Variants in SLC9A9 observed in about 807,000 individuals in gnomAD.
SLC9A9 encodes the protein solute carrier family 9 member A9.
SLC9A9 carries 62 observed loss-of-function variants against 77.8 expected under a neutral mutation model. The observed-to-expected ratio is 0.80, with a 90% CI of 0.65 to 0.98. SLC9A9 has a LOEUF of 0.98. SLC9A9 is among the 50% of genes least tolerant of loss of function. The probability of loss-of-function intolerance (pLI) is 0.00; values close to 1 mark genes in which losing one functional copy is unlikely to be tolerated. For missense variants in SLC9A9, 775 were observed against 774.9 expected (o/e 1.00, Z 0.00); for synonymous variants, 320 against 283.5 (o/e 1.13, Z -1.29).
intron 14 of SLC9A9, among the ~76,000 whole-genome samples, chr3:143,332,323 GA>G (rs1230836768): frequency 1.3e-5 from 2 of 152,140 alleles, no homozygotes; most frequent in African/African-American, 2.4e-5. Context: ...CAACTTACTG[GA>G]ACTGGTACAA....
chr3:143,646,506 T>C (rs1312192580), intron 6 of SLC9A9, among the ~76,000 whole-genome samples: 4 of 149,772 alleles, frequency 2.7e-5, no homozygotes, highest in Non-Finnish European at 5.9e-5. Context: ...TAAAAATGTA[T>C]TGTGAATATC....
At chr3:143,798,099 T>C (rs1490877293) in intron 2 of SLC9A9, among the ~76,000 whole-genome samples, 1 of 152,198 alleles carries the variant, frequency 6.6e-6, no homozygotes. Flanking sequence ...AAGCGGACTC[T>C]CTTTACTCTC....
intron 8 of SLC9A9, among the ~76,000 whole-genome samples, chr3:143,573,412 C>G (rs1229739290): frequency 1.3e-5 from 2 of 151,990 alleles, no homozygotes; most frequent in African/African-American, 4.8e-5. Context: ...GGAAAAGCAC[C>G]CAATTGTTGC....
At chr3:143,683,806 A>G (rs1198468130) in intron 5 of SLC9A9, among the ~76,000 whole-genome samples, 1 of 152,112 alleles carries the variant, frequency 6.6e-6, no homozygotes, top group African/African-American at 2.4e-5. Flanking sequence ...TTACACTCCC[A>G]ACTTTAACCA....
intron 6 of SLC9A9, among the ~76,000 whole-genome samples, chr3:143,630,100 G>A (rs1215404943): frequency 2.6e-5 from 4 of 151,830 alleles, no homozygotes; most frequent in Non-Finnish European, 4.4e-5. Flanking sequence ...TTGGCCTGGG[G>A]GAAAAAGAGA....
intron 5 of SLC9A9, among the ~76,000 whole-genome samples, chr3:143,655,079 A>G (rs2038865264): frequency 6.6e-6 from 1 of 152,216 alleles, no homozygotes; most frequent in Non-Finnish European, 1.5e-5. Flanking sequence ...AGTGTGTCCT[A>G]CAAGAGGGAG....
At chr3:143,312,895 C>T (rs1005853004) in intron 14 of SLC9A9, among the ~76,000 whole-genome samples, 26 of 152,236 alleles carry the variant, frequency 1.7e-4, no homozygotes, top group African/African-American at 5.5e-4. Flanking sequence ...AATCTTCCAT[C>T]CCCAAGAACA....
At chr3:143,325,245 C>T (rs1358489771) in intron 14 of SLC9A9, among the ~76,000 whole-genome samples, 1 of 152,162 alleles carries the variant, frequency 6.6e-6, no homozygotes, top group African/African-American at 2.4e-5. Context: ...AAATACAGTT[C>T]ATACAAGGAC....
In SLC9A9 at chr3:143,806,106, A is replaced by G. The variant is rs1210957277; in HGVS notation, c.379-9203T>C. On this transcript the variant is annotated intron_variant, in intron 2 of 15. Coordinates refer to ENST00000316549, the MANE Select transcript of SLC9A9 (RefSeq NM_173653.4). ...CCACATCCCCTACCCCCCGTCCCCCACCCACACACACAGGCATTCATTATT... is the reference window on the plus strand; with the variant it reads ...CCACATCCCCTACCCCCCGTCCCCCGCCCACACACACAGGCATTCATTATT... Among the ~76,000 whole-genome samples, 5 of 22,814 alleles carry G rather than the reference A, an allele frequency of 2.2e-4. No homozygotes were observed. In the Admixed American group the frequency reaches 2.8e-3, roughly 13 times the overall value. The allele number at this position is 22,814 out of a possible 152,430, so 15.0% of individuals were successfully genotyped here.
intron 14 of SLC9A9, among the ~76,000 whole-genome samples, chr3:143,291,860 G>A (rs1189452260): frequency 1.3e-5 from 2 of 152,190 alleles, no homozygotes; most frequent in African/African-American, 4.8e-5. Context: ...GTTTTAAAAA[G>A]AGGAGCAAAG....
chr3:143,773,100 A>C (rs1212610733), intron 4 of SLC9A9, among the ~76,000 whole-genome samples: 1 of 152,224 alleles, frequency 6.6e-6, no homozygotes, highest in East Asian at 1.9e-4. Flanking sequence ...GTCCCATTAG[A>C]TCAATAATTG....
chr3:143,810,704 T>C (rs2008842440), intron 2 of SLC9A9, among the ~76,000 whole-genome samples: 1 of 152,248 alleles, frequency 6.6e-6, no homozygotes, highest in African/African-American at 2.4e-5. Context: ...AGGCTCTTGC[T>C]GTTTTGCAAT....
chr3:143,502,649 A>G (rs2108597771), intron 9 of SLC9A9, among the ~76,000 whole-genome samples: 1 of 152,294 alleles, frequency 6.6e-6, no homozygotes, highest in Middle Eastern at 3.4e-3. Flanking sequence ...ATTCCTCAAC[A>G]TAGCTTTTAT....
chr3:143,330,265 A>T (rs538260493), intron 14 of SLC9A9, among the ~76,000 whole-genome samples: 2 of 152,350 alleles, frequency 1.3e-5, no homozygotes, highest in South Asian at 4.1e-4. Context: ...GAATGAGCTT[A>T]GCAGTTTTAT....
At chr3:143,513,910 G>A (rs1236416116) in intron 9 of SLC9A9, among the ~76,000 whole-genome samples, 1 of 152,158 alleles carries the variant, frequency 6.6e-6, no homozygotes, top group Non-Finnish European at 1.5e-5. Flanking sequence ...ATGTATACAT[G>A]TGCCATGTTG....
Position 143,693,236 on chromosome 3 carries a change from G to C in SLC9A9, c.605C>G (p.Thr202Ser). Reference sequence around the variant, plus strand: ...CAGTGAACCAAAAAATAAACAGTCAGTGAAATGAAAGTCTCCATTTTTCAG... The same window carrying C: ...CAGTGAACCAAAAAATAAACAGTCACTGAAATGAAAGTCTCCATTTTTCAG... The part of the protein sequence containing the change: ...GQLKNGDFHF[T>S]DCLFFGSLMS... Residue 202 changes from threonine to serine, a missense_variant, in exon 5 of 16, where the codon ACT (threonine) becomes AGT (serine). Physicochemically the swap from Thr to Ser is moderately conservative, Grantham distance 58. Transcript: ENST00000316549. 1.2e-6 allele frequency: 2 copies of C among 1,613,352 alleles called. No homozygotes were observed. The highest frequency in any genetic ancestry group is 1.1e-5 in the South Asian group (1 of 91,056).
At position 143,408,623 on chromosome 3, in the gene SLC9A9, G is replaced by C. The variant is rs192947336; in HGVS notation, c.1470-26509C>G. On this transcript the variant is annotated intron_variant, in intron 12 of 15. Transcript: ENST00000316549. The stretch of plus-strand genomic sequence containing the variant: ...TTTCTAAGCTATGCGAAATTCTCCA[G>C]ATTAAATGTTCCACCCCTCCAAATC... Among the ~76,000 whole-genome samples, 8 of 152,268 alleles carry C rather than the reference G, an allele frequency of 5.3e-5. No individual in the cohort carries two copies. In the East Asian group the frequency reaches 9.6e-4, roughly 18 times the overall value.
At chr3:143,276,279 T>C (rs1578255309) in intron 14 of SLC9A9, among the ~76,000 whole-genome samples, 1 of 152,342 alleles carries the variant, frequency 6.6e-6, no homozygotes, top group South Asian at 2.1e-4. Context: ...AACTATACTT[T>C]TCAGGGAATA....
intron 14 of SLC9A9, among the ~76,000 whole-genome samples, chr3:143,341,429 C>A (rs1043231057): frequency 3.3e-5 from 5 of 152,080 alleles, no homozygotes; most frequent in African/African-American, 7.2e-5. Context: ...AGGTCATAGT[C>A]ATACAATGTA....
Sources: gnomAD v4.1 joint callset for allele counts (sites outside exome capture counted in the v4.1 genomes callset) on GRCh38, gnomAD v4.1.1 for gene constraint, MANE v1.5 for transcripts, NCBI Gene and HGNC (gene_info 2026-07-23, HGNC 2026-07-21) for gene names.